SIRPB2: variants seen among roughly 807,000 people sequenced by gnomAD.
SIRPB2 encodes the protein signal regulatory protein beta 2.
In SIRPB2, 18 loss-of-function variants were observed where a neutral mutation model predicts 27.1. The ratio of observed to expected loss-of-function variants is 0.66; its 90% CI spans 0.46 to 0.98. SIRPB2 has a LOEUF of 0.98. SIRPB2 is among the 50% of genes least tolerant of loss of function. The probability of loss-of-function intolerance (pLI) is 0.00; values close to 1 mark genes in which losing one functional copy is unlikely to be tolerated. For missense variants in SIRPB2, 420 were observed against 417.4 expected (o/e 1.01, Z -0.06); for synonymous variants, 150 against 164.6 (o/e 0.91, Z 0.68).
intron 4 of SIRPB2, 85 bp downstream of exon 4, chr20:1,477,253 G>T (rs1174241578): frequency 6.2e-7 from 1 of 1,613,764 alleles, no homozygotes; most frequent in African/African-American, 1.3e-5. Context: ...AGGAGTCTGG[G>T]ACTGCTCCCT....
chr20:1,472,073 A>C (rs566097348), downstream of SIRPB2, among the ~76,000 whole-genome samples: 1 of 152,206 alleles, frequency 6.6e-6, no homozygotes, highest in East Asian at 1.9e-4. Flanking sequence ...CACTGACATC[A>C]AGGCATCAGA....
chr20:1,482,708 C>T (rs1428105572), intron 1 of SIRPB2, among the ~76,000 whole-genome samples: 1 of 151,840 alleles, frequency 6.6e-6, no homozygotes, highest in African/African-American at 2.4e-5. Context: ...CAGCTTACTT[C>T]ACTTAACATA....
chr20:1,480,337 A>C, intron 1 of SIRPB2: 1 of 387,162 alleles, frequency 2.6e-6, no homozygotes, highest in Non-Finnish European at 4.7e-6. Flanking sequence ...ATTCTTCACA[A>C]TGCTTCTGTA....
intron 1 of SIRPB2, among the ~76,000 whole-genome samples, chr20:1,486,071 CTTTTCT>C (rs1194664435): frequency 7.0e-6 from 1 of 141,878 alleles, no homozygotes; most frequent in Non-Finnish European, 1.5e-5. Flanking sequence ...CTTTTCTTTT[CTTTTCT>C]TTTTTTTTTT....
intron 1 of SIRPB2, among the ~76,000 whole-genome samples, chr20:1,488,239 CAATAAT>C (rs965774565): frequency 6.6e-6 from 1 of 152,092 alleles, no homozygotes; most frequent in African/African-American, 2.4e-5. Context: ...TCTCAAAACT[CAATAAT>C]AAGAAACACA....
At chr20:1,473,911 C>G (rs1256142777), downstream of SIRPB2, 1 of 455,552 alleles carries the variant, frequency 2.2e-6, no homozygotes, top group Non-Finnish European at 4.4e-6. Flanking sequence ...TCTCATATTT[C>G]TGAAGTCCCG....
intron 1 of SIRPB2, among the ~76,000 whole-genome samples, chr20:1,488,839 C>T (rs1422564878): frequency 6.6e-6 from 1 of 152,146 alleles, no homozygotes; most frequent in East Asian, 1.9e-4. Context: ...AAACGTATGG[C>T]AACCATATGA....
At chr20:1,483,151 G>A (rs1365461476) in intron 1 of SIRPB2, among the ~76,000 whole-genome samples, 1 of 148,122 alleles carries the variant, frequency 6.8e-6, no homozygotes, top group East Asian at 2.0e-4. Context: ...CTGTCACCCA[G>A]GCTCGAGTGC....
intron 4 of SIRPB2, 54 bp downstream of exon 4, chr20:1,477,284 T>C (rs181861390): frequency 9.6e-4 from 1,546 of 1,614,206 alleles, no homozygotes; most frequent in Non-Finnish European, 1.2e-3. Flanking sequence ...AAGCCATTCA[T>C]GGCCCCCTTG....
intron 1 of SIRPB2, among the ~76,000 whole-genome samples, chr20:1,486,723 T>C (rs1348574949): frequency 1.3e-5 from 2 of 152,276 alleles, no homozygotes; most frequent in East Asian, 3.9e-4. Context: ...CGCATATACA[T>C]GCACTCATAT....
downstream of SIRPB2, chr20:1,473,755 C>T (rs1025119520): frequency 1.8e-5 from 8 of 447,912 alleles, no homozygotes; most frequent in Non-Finnish European, 2.7e-5. Flanking sequence ...CAGGGCCCTA[C>T]AGGGCTAGGG....
Position 1,475,689 on chromosome 20 carries a change from C to A in SIRPB2, c.*478G>T, listed in dbSNP as rs1460348027. 3.8e-5 allele frequency: 6 copies of A among 158,452 alleles called. No homozygotes were observed. Among genetic ancestry groups the A allele is most frequent in the Non-Finnish European group, 8.3e-5 (6 of 72,692 alleles). The allele number at this position is 158,452 out of a possible 1,614,324, so 9.8% of individuals were successfully genotyped here. A position where few individuals can be genotyped will look rare whatever the true frequency, so the allele number is the denominator to read the frequency against. On this transcript the variant is annotated 3_prime_UTR_variant, in exon 5 of 5. Transcript: ENST00000359801. Reference sequence around the variant, plus strand: ...GCTGAACCTGCATTCTAATATTATACCTGCCCAAGCCAGCCATGAGGGGGA... The same window carrying A: ...GCTGAACCTGCATTCTAATATTATAACTGCCCAAGCCAGCCATGAGGGGGA...
At chr20:1,480,204 G>T (rs2090656087) in intron 1 of SIRPB2, 139 bp from the exon 2 acceptor site, 6 of 1,181,090 alleles carry the variant, frequency 5.1e-6, no homozygotes, top group Non-Finnish European at 6.9e-6. Flanking sequence ...ACAGGGAAGG[G>T]AAAGAGGGGA....
At chr20:1,478,096 G>A in intron 3 of SIRPB2, 170 bp downstream of exon 3, 2 of 729,392 alleles carry the variant, frequency 2.7e-6, no homozygotes. Flanking sequence ...GCTGGGCCTT[G>A]AAGGATGAGT....
Position 1,476,187 on chromosome 20 carries a change from A to T in SIRPB2, c.1009T>A (p.Trp337Arg). The T allele has an allele frequency of 6.2e-7, 1 of 1,614,040 alleles. No homozygotes were observed. The change falls in exon 5 of 5, where the codon TGG becomes AGG. Residue 337 changes from tryptophan (W) to arginine (R), a missense_variant. Physicochemically the swap from Trp to Arg is moderately radical, Grantham distance 101. Coordinates refer to ENST00000359801, the MANE Select transcript of SIRPB2 (RefSeq NM_001122962.2). The stretch of plus-strand genomic sequence containing the variant: ...ACCCCTCACTCTTGACCCTTGCTCC[A>T]TGCTAAGGTGTTCATGGCTCCTGCT... ...GPAGAMNTLA[W>R]SKGQE is the part of the protein sequence containing the mutation.
intron 1 of SIRPB2, among the ~76,000 whole-genome samples, chr20:1,481,820 G>A (rs2090673751): frequency 6.6e-6 from 1 of 152,142 alleles, no homozygotes; most frequent in Non-Finnish European, 1.5e-5. Context: ...CATTATTTGA[G>A]CTAGTCAGAT....
At chr20:1,479,664 G>A (rs1829941782) in intron 2 of SIRPB2, 36 bp downstream of exon 2, 1 of 1,602,756 alleles carries the variant, frequency 6.2e-7, no homozygotes, top group African/African-American at 1.3e-5. Context: ...GAAACAGACT[G>A]GAGCAAATGT....
intron 1 of SIRPB2, among the ~76,000 whole-genome samples, chr20:1,490,773 T>A (rs1449614372): frequency 2.0e-5 from 3 of 152,152 alleles, no homozygotes; most frequent in Non-Finnish European, 4.4e-5. Flanking sequence ...GTGCCATCTA[T>A]GTAGTCGCAC....
At chr20:1,479,549 A>G in intron 2 of SIRPB2, 151 bp downstream of exon 2, 2 of 1,236,630 alleles carry the variant, frequency 1.6e-6, no homozygotes, top group South Asian at 1.4e-5. Context: ...GGAACCACCC[A>G]GCCACATGTA....
Sources: gnomAD v4.1 joint callset for allele counts (sites outside exome capture counted in the v4.1 genomes callset) on GRCh38, gnomAD v4.1.1 for gene constraint, MANE v1.5 for transcripts, NCBI Gene and HGNC (gene_info 2026-07-23, HGNC 2026-07-21) for gene names.